Variants in MYO3A observed in about 807,000 individuals in gnomAD.
The protein encoded by MYO3A is myosin-IIIa.
Under a neutral mutation model 192.7 loss-of-function variants are expected in MYO3A, and 180 were observed. The observed-to-expected ratio is 0.93, with a 90% confidence interval of 0.83 to 1.06. MYO3A has a LOEUF of 1.06. Ranked by LOEUF, MYO3A falls within the 50% of genes least tolerant of loss-of-function variation. The probability of loss-of-function intolerance (pLI) is 0.00; values close to 1 mark genes in which losing one functional copy is unlikely to be tolerated. For missense variants in MYO3A, 1,896 were observed against 1,905.0 expected, an observed-to-expected ratio of 1.00 and a Z score of 0.09; for synonymous variants, 628 against 645.3, an observed-to-expected ratio of 0.97 and a Z score of 0.41.
chr10:26,180,514 A>G (rs1314755953), intron 31 of MYO3A, among the ~76,000 whole-genome samples: 1 of 152,186 alleles, frequency 6.6e-6, no homozygotes, highest in Non-Finnish European at 1.5e-5. Flanking sequence ...TTAATGCAAT[A>G]AGACAGCAAA....
Position 26,067,087 on chromosome 10 carries a change from G to C in MYO3A, c.1053+13G>C. On this transcript the variant is annotated intron_variant, in intron 11 of 34. Coordinates refer to ENST00000642920, the MANE Select transcript of MYO3A (RefSeq NM_017433.5). ...AATTTTGGATGAGGTAAGAATTTCA[G>C]TTTAATTAAACTTAGACATTCCAGA... The C allele has an allele frequency of 6.5e-7, 1 of 1,527,836 alleles. No individual in the cohort carries two copies. Among genetic ancestry groups the C allele is most frequent in the Non-Finnish European group, 9.1e-7 (1 of 1,101,432 alleles). 94.6% of individuals were successfully genotyped at this position (1,527,836 alleles called of 1,614,324 possible).
chr10:26,099,739 C>T (rs1255872628), intron 17 of MYO3A, among the ~76,000 whole-genome samples: 2 of 152,134 alleles, frequency 1.3e-5, no homozygotes, highest in Non-Finnish European at 2.9e-5. Context: ...GTTGAACCAG[C>T]CTTGCATCCC....
intron 4 of MYO3A, among the ~76,000 whole-genome samples, chr10:25,986,615 AAAAT>A (rs1305284459): frequency 6.6e-6 from 1 of 152,178 alleles, no homozygotes; most frequent in South Asian, 2.1e-4. Context: ...AACAGCTGCA[AAAAT>A]AAATAAATAA....
At chr10:26,015,631 G>A (rs1343200099) in intron 6 of MYO3A, among the ~76,000 whole-genome samples, 1 of 152,072 alleles carries the variant, frequency 6.6e-6, no homozygotes, top group Non-Finnish European at 1.5e-5. Context: ...AGCTAGTTTT[G>A]TGTTAGTTTA....
chr10:26,000,855 A>G (rs1840752902), intron 6 of MYO3A, among the ~76,000 whole-genome samples: 1 of 152,046 alleles, frequency 6.6e-6, no homozygotes, highest in African/African-American at 2.4e-5. Context: ...GATTTGATTG[A>G]CTCACAGTTC....
chr10:26,205,620 T>C (rs918160682), intron 34 of MYO3A, among the ~76,000 whole-genome samples: 4 of 130,118 alleles, frequency 3.1e-5, no homozygotes, highest in African/African-American at 1.2e-4. Context: ...TTTTTTTTTT[T>C]TTTTTTTTTT....
intron 2 of MYO3A, among the ~76,000 whole-genome samples, chr10:25,943,068 A>T (rs1320474548): frequency 1.3e-5 from 2 of 151,706 alleles, no homozygotes; most frequent in East Asian, 3.9e-4. Context: ...TAAGTGTTTT[A>T]TTATTTTAGC....
chr10:26,099,273 T>G (rs1181318675), intron 17 of MYO3A, among the ~76,000 whole-genome samples: 1 of 152,214 alleles, frequency 6.6e-6, no homozygotes, highest in Non-Finnish European at 1.5e-5. Context: ...ATCCTGAGAC[T>G]TTGCTGAAGT....
chr10:26,133,401 G>T (rs76902127), intron 20 of MYO3A, among the ~76,000 whole-genome samples: 93 of 152,262 alleles, frequency 6.1e-4, no homozygotes, highest in African/African-American at 2.2e-3. Context: ...CTGGGCTGTG[G>T]ACCTGTTGCT....
Position 25,947,375 on chromosome 10 carries a change from TTTC to T in MYO3A, c.-17-4716_-17-4714del, listed in dbSNP as rs1189366565. Reference sequence around the variant, plus strand: ...AAAAAAAATGCATAAGATGGTATTATTTCTTTTCTTTTTCTTTTTTTTTTTTTT... The same window carrying T: ...AAAAAAAATGCATAAGATGGTATTATTTTTCTTTTTCTTTTTTTTTTTTTT... On this transcript the variant is annotated intron_variant, in intron 2 of 34. Transcript: ENST00000642920. Among the ~76,000 whole-genome samples the T allele has an allele frequency of 4.7e-5, 7 of 148,376 alleles. No homozygotes were observed. The East Asian group carries it at 1.4e-3, about 29-fold the overall frequency.
intron 14 of MYO3A, among the ~76,000 whole-genome samples, chr10:26,075,661 TATATATGATATATATATGTCTCTCTC>T (rs1835499266): frequency 6.8e-6 from 1 of 146,568 alleles, no homozygotes; most frequent in Non-Finnish European, 1.5e-5. Context: ...GTCTCTCATA[TATATATGATATATATATGTCTCTCTC>T]ATATATATGA....
chr10:26,073,652 TAATAAATA>T (rs1023374572), intron 14 of MYO3A, among the ~76,000 whole-genome samples: 2 of 43,464 alleles, frequency 4.6e-5, no homozygotes, highest in African/African-American at 1.2e-4. Flanking sequence ...ATAATAATGA[TAATAAATA>T]AATAAATAAA....
intron 10 of MYO3A, among the ~76,000 whole-genome samples, chr10:26,043,460 G>A (rs914938618): frequency 2.3e-4 from 35 of 151,936 alleles, no homozygotes; most frequent in African/African-American, 8.2e-4. Flanking sequence ...TCCAGGGACT[G>A]GAGTCAAGAA....
intron 10 of MYO3A, among the ~76,000 whole-genome samples, chr10:26,037,378 A>G (rs956896721): frequency 6.6e-6 from 1 of 152,258 alleles, no homozygotes; most frequent in African/African-American, 2.4e-5. Flanking sequence ...AACAGACACA[A>G]TAGTGCGTTT....
At chr10:26,109,131 A>G (rs1319535453) in intron 17 of MYO3A, among the ~76,000 whole-genome samples, 1 of 152,230 alleles carries the variant, frequency 6.6e-6, no homozygotes, top group Non-Finnish European at 1.5e-5. Flanking sequence ...TGTTTTGTAC[A>G]ATCCATGTAA....
Position 25,952,145 on chromosome 10 carries a change from A to T in MYO3A, c.35A>T (p.Asp12Val), listed in dbSNP as rs751347652. The T allele has an allele frequency of 2.5e-5, 41 of 1,612,208 alleles. No homozygotes were observed. The highest frequency in any genetic ancestry group is 3.4e-5 in the Non-Finnish European group (40 of 1,178,796). Residue 12 changes from aspartate to valine, a missense_variant, in exon 3 of 35, where the codon GAT becomes GTT. Coordinates refer to ENST00000642920, the MANE Select transcript of MYO3A (RefSeq NM_017433.5). ...TTAATTGGAAAAACAATCATCTTTG[A>T]TAACTTTCCTGATCCTTCTGATACA... The part of the protein sequence containing the change: ...FPLIGKTIIF[D>V]NFPDPSDTWE...
At chr10:26,014,260 A>C (rs570754292) in intron 6 of MYO3A, among the ~76,000 whole-genome samples, 160 of 152,222 alleles carry the variant, frequency 1.1e-3, no homozygotes, top group Non-Finnish European at 1.6e-3. Context: ...ACACATGTAC[A>C]TCAAAAGTTA....
intron 10 of MYO3A, among the ~76,000 whole-genome samples, chr10:26,062,099 C>G (rs1834520312): frequency 6.6e-6 from 1 of 152,266 alleles, no homozygotes. Context: ...AGAAACTACA[C>G]TATTCTAAAC....
chr10:26,022,079 T>C lies in MYO3A; in HGVS notation c.731+431T>C, dbSNP rs761696210. 94 of 153,154 alleles carry C rather than the reference T, an allele frequency of 6.1e-4. 2 individuals are homozygous for C. The highest frequency in any genetic ancestry group is 1.2e-3 in the Non-Finnish European group (83 of 68,870). 9.5% of individuals were successfully genotyped at this position (153,154 alleles called of 1,614,324 possible). A position where few individuals can be genotyped will look rare whatever the true frequency, so the allele number is the denominator to read the frequency against. On this transcript the variant is annotated intron_variant, in intron 8 of 34. Transcript: ENST00000642920. Reference sequence around the variant, plus strand: ...ATAATATTATTAAGAAAATTATATATAAAATTTATCCAGAAAATAATGGTT... The same window carrying C: ...ATAATATTATTAAGAAAATTATATACAAAATTTATCCAGAAAATAATGGTT...
Sources: gnomAD v4.1 joint callset for allele counts (sites outside exome capture counted in the v4.1 genomes callset) on GRCh38, gnomAD v4.1.1 for gene constraint, MANE v1.5 for transcripts, NCBI Gene and HGNC (gene_info 2026-07-23, HGNC 2026-07-21) for gene names.